The following ICE1 variants were observed in gnomAD, a reference collection of about 807,000 sequenced individuals.
The protein encoded by ICE1 is little elongation complex subunit 1.
ICE1 carries 64 observed loss-of-function variants against 192.7 expected under a neutral mutation model. That is an observed-to-expected ratio of 0.33 (90% CI 0.27 to 0.41). The LOEUF is 0.41. ICE1 is among the 10% of genes least tolerant of loss of function. The pLI is 1.00. For missense variants in ICE1, 2,708 were observed against 2,696.0 expected (o/e 1.00, Z -0.10); for synonymous variants, 1,010 against 984.5 (o/e 1.03, Z -0.49).
chr5:5,448,015 T>G lies in ICE1; in HGVS notation c.604+118T>G, dbSNP rs1167524186. On this transcript the variant is annotated intron_variant, in intron 10 of 18. Transcript: ENST00000296564. ...CCAGGGCTTAGTAGATGTTTCGTTTTAGTAGAAGTCATATATTATTGTGTC... is the reference window on the plus strand; with the variant it reads ...CCAGGGCTTAGTAGATGTTTCGTTTGAGTAGAAGTCATATATTATTGTGTC... The G allele has an allele frequency of 1.0e-5, 7 of 695,268 alleles. No homozygotes were observed. In the African/African-American group the frequency reaches 1.3e-4, roughly 13 times the overall value. 43.1% of individuals were successfully genotyped at this position (695,268 alleles called of 1,614,324 possible).
chr5:5,431,581 C>T (rs1016580485), intron 1 of ICE1, among the ~76,000 whole-genome samples: 3 of 152,174 alleles, frequency 2.0e-5, no homozygotes, highest in Non-Finnish European at 4.4e-5. Flanking sequence ...TTTGCCATTT[C>T]GAAGGCTTGC....
intron 12 of ICE1, among the ~76,000 whole-genome samples, chr5:5,459,074 C>T (rs1055982332): frequency 1.3e-5 from 2 of 152,056 alleles, no homozygotes; most frequent in East Asian, 1.9e-4. Flanking sequence ...GGGGTTTCAC[C>T]GTGTTAGCCA....
In ICE1 at chr5:5,431,246, G is replaced by A. The variant is rs998371792; in HGVS notation, c.85-5172G>A. ...AAGAGAATGGGAGAAAAAAGAGGAA[G>A]AATCACTTTTATTTTAGAAAAAATA... On this transcript the variant is annotated intron_variant, in intron 1 of 18. Coordinates refer to ENST00000296564, the MANE Select transcript of ICE1 (RefSeq NM_015325.3). Among the ~76,000 whole-genome samples the A allele has an allele frequency of 3.3e-5, 5 of 152,266 alleles. No homozygotes were observed. The South Asian group carries it at 1.0e-3, about 32-fold the overall frequency.
intron 10 of ICE1, among the ~76,000 whole-genome samples, chr5:5,449,779 C>G (rs1218915471): frequency 6.6e-6 from 1 of 152,154 alleles, no homozygotes; most frequent in Non-Finnish European, 1.5e-5. Context: ...GCCCCAGTTT[C>G]ATTTTCTAAA....
chr5:5,463,582 A>C lies in ICE1; in HGVS notation c.4248A>C (p.Leu1416=). 6.2e-7 allele frequency: 1 copy of C among 1,614,014 alleles called. No individual in the cohort carries two copies. The highest frequency in any genetic ancestry group is 8.5e-7 in the Non-Finnish European group (1 of 1,179,888). ...INVLINKDQN[L]VIEKGDNWTI... ...TACTTATAAATAAGGATCAGAATCT[A>C]GTCATTGAAAAGGGGGACAACTGGA... Residue 1416 remains leucine, a synonymous_variant, in exon 13 of 19, where the codon CTA becomes CTC. Coordinates refer to ENST00000296564, the MANE Select transcript of ICE1 (RefSeq NM_015325.3).
intron 2 of ICE1, among the ~76,000 whole-genome samples, 156 bp downstream of exon 2, chr5:5,436,632 G>A (rs750658692): frequency 1.6e-4 from 25 of 152,134 alleles, no homozygotes; most frequent in Non-Finnish European, 5.9e-5. Context: ...TGAGCTTTGG[G>A]ACTTGAACCT....
At chr5:5,469,071 A>G in intron 15 of ICE1, 83 bp downstream of exon 15, 1 of 929,838 alleles carries the variant, frequency 1.1e-6, no homozygotes, top group East Asian at 3.2e-5. Flanking sequence ...ATTTAGTTTT[A>G]TATTAGTTCA....
Position 5,462,805 on chromosome 5 carries a change from A to G in ICE1, c.3471A>G (p.Gln1157=). 2 of 1,612,902 alleles carry G rather than the reference A, an allele frequency of 1.2e-6. No individual in the cohort carries two copies. The highest frequency in any genetic ancestry group is 8.5e-7 in the Non-Finnish European group (1 of 1,179,366). ...TAGGTTATTTGACGTCAGCTCTGCA[A>G]GATTTTAACATAAGTACTTTTTCTG... ...LEVGYLTSAL[Q]DFNISTFSEL... Residue 1157 remains glutamine (Q), a synonymous_variant, in exon 13 of 19, where the codon CAA becomes CAG. Coordinates refer to ENST00000296564, the MANE Select transcript of ICE1 (RefSeq NM_015325.3).
intron 12 of ICE1, 60 bp downstream of exon 12, chr5:5,457,801 C>T (rs1738634072): frequency 7.0e-7 from 1 of 1,429,250 alleles, no homozygotes; most frequent in African/African-American, 1.4e-5. Context: ...CCTAATATGT[C>T]CTTGATGCTC....
At chr5:5,475,833 G>A (rs1406615649) in intron 16 of ICE1, 140 bp from the exon 17 acceptor site, 1 of 631,934 alleles carries the variant, frequency 1.6e-6, no homozygotes, top group African/African-American at 1.9e-5. Context: ...TGAGCATCCA[G>A]TATCTGTTCT....
intron 17 of ICE1, among the ~76,000 whole-genome samples, chr5:5,480,151 G>T (rs1454041657): frequency 6.6e-6 from 1 of 152,038 alleles, no homozygotes; most frequent in Non-Finnish European, 1.5e-5. Flanking sequence ...CTTTGCCCCT[G>T]GGGAATATAA....
chr5:5,456,960 C>T (rs1050928846), intron 11 of ICE1, among the ~76,000 whole-genome samples: 5 of 152,046 alleles, frequency 3.3e-5, no homozygotes. Flanking sequence ...CTGTATCAAC[C>T]TATAGGCACA....
intron 11 of ICE1, among the ~76,000 whole-genome samples, chr5:5,454,973 C>T (rs1738543327): frequency 6.6e-6 from 1 of 152,072 alleles, no homozygotes; most frequent in Non-Finnish European, 1.5e-5. Flanking sequence ...ACTTTAGCTT[C>T]GTTTATTTTT....
At chr5:5,447,025 C>T (rs1464494143) in intron 7 of ICE1, among the ~76,000 whole-genome samples, 2 of 152,072 alleles carry the variant, frequency 1.3e-5, no homozygotes, top group East Asian at 1.9e-4. Context: ...TTGAGAAAAT[C>T]GCCTCTCCCC....
At chr5:5,480,314 A>G (rs1180641984) in intron 17 of ICE1, among the ~76,000 whole-genome samples, 4 of 141,816 alleles carry the variant, frequency 2.8e-5, no homozygotes, top group African/African-American at 1.1e-4. Flanking sequence ...CAGTGGCACC[A>G]TCTCGGCTCA....
intron 10 of ICE1, among the ~76,000 whole-genome samples, chr5:5,448,918 T>A (rs1421752937): frequency 6.6e-6 from 1 of 152,232 alleles, no homozygotes; most frequent in African/African-American, 2.4e-5. Context: ...GTATGGAAAG[T>A]GAGACTTTAA....
At chr5:5,449,530 A>T (rs938435078) in intron 10 of ICE1, among the ~76,000 whole-genome samples, 1 of 152,116 alleles carries the variant, frequency 6.6e-6, no homozygotes, top group South Asian at 2.1e-4. Context: ...AGAAGAAATG[A>T]GGAAGATGCA....
At chr5:5,428,555 C>T (rs1311452078) in intron 1 of ICE1, among the ~76,000 whole-genome samples, 1 of 152,156 alleles carries the variant, frequency 6.6e-6, no homozygotes, top group African/African-American at 2.4e-5. Context: ...AAATTGTTAA[C>T]ATGTTATTGC....
intron 11 of ICE1, among the ~76,000 whole-genome samples, chr5:5,455,672 T>C (rs1414868231): frequency 3.3e-5 from 5 of 152,246 alleles, no homozygotes; most frequent in South Asian, 2.1e-4. Context: ...TGGAATCTTA[T>C]TATACCATAA....
Sources: gnomAD v4.1 joint callset for allele counts (sites outside exome capture counted in the v4.1 genomes callset) on GRCh38, gnomAD v4.1.1 for gene constraint, MANE v1.5 for transcripts, NCBI Gene and HGNC (gene_info 2026-07-23, HGNC 2026-07-21) for gene names.